REPS2: variants seen among roughly 807,000 people sequenced by gnomAD.
REPS2 encodes the protein RALBP1 associated Eps domain containing 2.
A neutral mutation model predicts 53.6 loss-of-function variants in REPS2; 23 were observed. The observed-to-expected ratio is 0.43, with a 90% CI of 0.31 to 0.61. The LOEUF is 0.61. Ranked by LOEUF, REPS2 falls within the 20% of genes least tolerant of loss-of-function variation. The pLI is 0.11. For missense variants in REPS2, 446 were observed against 534.9 expected (o/e 0.83, Z 1.64); for synonymous variants, 238 against 218.6 (o/e 1.09, Z -0.78).
At chrX:17,011,656 C>T (rs1483064653) in intron 2 of REPS2, among the ~76,000 whole-genome samples, 1 of 112,369 alleles carries the variant, frequency 8.9e-6, no homozygotes, top group Non-Finnish European at 1.9e-5. Context: ...TTTCTCATGC[C>T]TGTAATCCCA....
the REPS2 span, among the ~76,000 whole-genome samples, chrX:17,160,213 T>C: frequency 8.0e-5 from 9 of 112,232 alleles, no homozygotes; most frequent in South Asian, 3.3e-3. Flanking sequence ...TTTAGCTAAA[T>C]GTGAGAGGAA....
chrX:17,062,063 T>G (rs910042291), intron 8 of REPS2, among the ~76,000 whole-genome samples: 1 of 112,632 alleles, frequency 8.9e-6, no homozygotes, highest in African/African-American at 3.2e-5. Context: ...AGTAACATAG[T>G]TAAGACTTAC....
chrX:16,963,818 TC>T (rs746433965), intron 1 of REPS2, among the ~76,000 whole-genome samples: 1 of 111,067 alleles, frequency 9.0e-6, no homozygotes, highest in East Asian at 2.8e-4. Context: ...TAGGAAGTGG[TC>T]AGGTGGAAGA....
intron 1 of REPS2, among the ~76,000 whole-genome samples, chrX:16,972,523 C>T (rs1311396597): frequency 9.0e-6 from 1 of 110,976 alleles, no homozygotes; most frequent in African/African-American, 3.3e-5. Context: ...CTCTTATCCT[C>T]CTGCTTCCAG....
chrX:16,997,243 A>G (rs2061244788), intron 1 of REPS2, among the ~76,000 whole-genome samples: 1 of 112,649 alleles, frequency 8.9e-6, no homozygotes, highest in South Asian at 3.6e-4. Context: ...TTCTAGTGTG[A>G]AGACTGCTTT....
intron 12 of REPS2, among the ~76,000 whole-genome samples, chrX:17,075,129 T>C (rs2062361973): frequency 8.9e-6 from 1 of 111,842 alleles, no homozygotes; most frequent in Non-Finnish European, 1.9e-5. Context: ...AGTAATTCAT[T>C]TAGGTAGGAA....
At position 17,149,454 on chromosome X, in the gene REPS2, C is replaced by T. The variant is rs1443572301; in HGVS notation, c.*1973C>T. ...CCGAGTAGCTGGGATTACAGGCACCCACCACCACGCTCAGCTAATTTTTGT... is the reference window on the plus strand; with the variant it reads ...CCGAGTAGCTGGGATTACAGGCACCTACCACCACGCTCAGCTAATTTTTGT... On this transcript the variant is annotated 3_prime_UTR_variant, in exon 18 of 18. Coordinates refer to ENST00000357277, the MANE Select transcript of REPS2 (RefSeq NM_004726.3). 8.7e-6 allele frequency: 1 copy of T among 115,031 alleles called. No individual in the cohort carries two copies. Among genetic ancestry groups the T allele is most frequent in the African/African-American group, 3.2e-5 (1 of 30,936 alleles). The allele number at this position is 115,031 out of a possible 1,213,427, so 9.5% of individuals were successfully genotyped here.
chrX:16,972,958 G>T (rs1377685401), intron 1 of REPS2, among the ~76,000 whole-genome samples: 1 of 111,271 alleles, frequency 9.0e-6, no homozygotes, highest in Admixed American at 9.5e-5. Context: ...TCCACTGGTG[G>T]TCTATTTCTG....
intron 1 of REPS2, among the ~76,000 whole-genome samples, chrX:16,974,402 T>C (rs1241771520): frequency 9.0e-6 from 1 of 111,367 alleles, no homozygotes; most frequent in East Asian, 2.8e-4. Flanking sequence ...TCCTAGCACT[T>C]TGGGAGGCTG....
chrX:17,002,415 T>G lies in REPS2; in HGVS notation c.274-3806T>G, dbSNP rs190822265. Among the ~76,000 whole-genome samples the G allele has an allele frequency of 2.1e-4, 23 of 111,849 alleles. No homozygotes were observed. In the Admixed American group the frequency reaches 2.2e-3, roughly 11 times the overall value. On this transcript the variant is annotated intron_variant, in intron 1 of 17. Coordinates refer to ENST00000357277, the MANE Select transcript of REPS2 (RefSeq NM_004726.3). ...ACACCTCAGCACTGCCTGTCTGCCCTCTCTTTAGCAGTGTCATTTGGCTTA... is the reference window on the plus strand; with the variant it reads ...ACACCTCAGCACTGCCTGTCTGCCCGCTCTTTAGCAGTGTCATTTGGCTTA...
rs1246071876 is a variant in REPS2, at chrX:16,951,545, ACACACACACACACAC to A, written c.273+4413_273+4427del. On this transcript the variant is annotated intron_variant, in intron 1 of 17. Transcript: ENST00000357277. ...CACACACACACACACACACACACAC[ACACACACACACACAC>A]CCCCGCTACCTACCTCTCTCTGGGG... 0.012 allele frequency among the ~76,000 whole-genome samples: 586 copies of A among 48,611 alleles called. 17 individuals are homozygous for A. In the East Asian group the frequency reaches 0.14, roughly 12 times the overall value. The allele number at this position is 48,611 out of a possible 115,157, so 42.2% of individuals were successfully genotyped here.
intron 13 of REPS2, among the ~76,000 whole-genome samples, chrX:17,085,026 C>T (rs776574772): frequency 1.8e-5 from 2 of 112,130 alleles, no homozygotes; most frequent in South Asian, 3.7e-4. Flanking sequence ...TTTACGTCTT[C>T]GTTCTGTTTT....
chrX:16,968,157 GGTAAGGTCACA>G (rs1277942141), intron 1 of REPS2, among the ~76,000 whole-genome samples: 3 of 110,962 alleles, frequency 2.7e-5, no homozygotes, highest in Non-Finnish European at 5.7e-5. Flanking sequence ...CCGGGTTGGG[GGTAAGGTCACA>G]GATCAACAGG....
At chrX:17,182,063 A>AT in the REPS2 span, among the ~76,000 whole-genome samples, 1 of 111,897 alleles carries the variant, frequency 8.9e-6, no homozygotes, top group Non-Finnish European at 1.9e-5. Flanking sequence ...ATACAGTGTT[A>AT]TTTATGATTA....
At chrX:17,190,861 G>C in the REPS2 span, among the ~76,000 whole-genome samples, 1 of 112,123 alleles carries the variant, frequency 8.9e-6, no homozygotes, top group East Asian at 2.8e-4. Context: ...AGGCTTTGCA[G>C]TGGAGAAAGA....
intron 5 of REPS2, among the ~76,000 whole-genome samples, chrX:17,038,279 G>T (rs1409431074): frequency 8.9e-6 from 1 of 112,367 alleles, no homozygotes; most frequent in African/African-American, 3.2e-5. Context: ...GTGAGAGAAG[G>T]CTCCTTTAAC....
intron 13 of REPS2, among the ~76,000 whole-genome samples, chrX:17,087,924 C>CAATAGATA (rs1284085860): frequency 1.1e-5 from 1 of 91,280 alleles, no homozygotes. Context: ...GAGACTCTGT[C>CAATAGATA]GATAGATAGA....
intron 2 of REPS2, among the ~76,000 whole-genome samples, chrX:17,012,883 C>CT (rs775187982): frequency 1.8e-5 from 2 of 111,792 alleles, no homozygotes; most frequent in South Asian, 7.4e-4. Flanking sequence ...TTCTTCATTT[C>CT]TTTTTTTGTT....
At chrX:17,068,175 G>A (rs762194151) in intron 9 of REPS2, among the ~76,000 whole-genome samples, 151 of 110,269 alleles carry the variant, frequency 1.4e-3, no homozygotes, top group Non-Finnish European at 2.3e-3. Flanking sequence ...TTAGCCAGGC[G>A]TGGTGGCGGG....
Sources: allele counts gnomAD v4.1 joint callset (sites outside exome capture counted in the v4.1 genomes callset), GRCh38; gene constraint gnomAD v4.1.1; transcripts MANE v1.5; gene names NCBI Gene and HGNC (gene_info 2026-07-23, HGNC 2026-07-21).